GALNT14: variants seen among roughly 807,000 people sequenced by gnomAD.
GALNT14 encodes the protein polypeptide N-acetylgalactosaminyltransferase 14.
Under a neutral mutation model 77.5 loss-of-function variants are expected in GALNT14, and 60 were observed. That is an observed-to-expected ratio of 0.77 (90% CI 0.63 to 0.96). The LOEUF is 0.96. Among genes scored for constraint, GALNT14 ranks in the 40% least tolerant of loss-of-function variants. GALNT14 has a pLI of 0.00. For synonymous variants in GALNT14, 280 were observed against 281.7 expected (o/e 0.99, Z 0.06); for missense variants, 710 against 731.0 (o/e 0.97, Z 0.33).
chr2:30,947,860 C>T (rs981274457), intron 6 of GALNT14, among the ~76,000 whole-genome samples: 1 of 152,206 alleles, frequency 6.6e-6, no homozygotes, highest in Admixed American at 6.5e-5. Context: ...CTGACAGTAA[C>T]AAGGTGCCTC....
At chr2:30,907,082 C>T (rs1338805109), downstream of GALNT14, among the ~76,000 whole-genome samples, 3 of 152,146 alleles carry the variant, frequency 2.0e-5, no homozygotes, top group Non-Finnish European at 4.4e-5. Flanking sequence ...AAATTTATAG[C>T]ACTAAATGCC....
At chr2:31,116,087 T>G (rs1409118104) in intron 1 of GALNT14, among the ~76,000 whole-genome samples, 3 of 152,124 alleles carry the variant, frequency 2.0e-5, no homozygotes, top group Non-Finnish European at 2.9e-5. Context: ...AGGAGGGGCA[T>G]GTAAAATCAT....
At chr2:30,914,166 C>T (rs1310726072) in intron 13 of GALNT14, among the ~76,000 whole-genome samples, 2 of 152,162 alleles carry the variant, frequency 1.3e-5, no homozygotes, top group Non-Finnish European at 2.9e-5. Flanking sequence ...TCATAAGAAT[C>T]CTATTAAGTA....
chr2:30,958,626 A>C (rs1460701685), intron 3 of GALNT14, among the ~76,000 whole-genome samples, 162 bp from the exon 4 acceptor site: 1 of 152,124 alleles, frequency 6.6e-6, no homozygotes, highest in Non-Finnish European at 1.5e-5. Flanking sequence ...GGAGGAATGT[A>C]ATTCTGCCTT....
intron 2 of GALNT14, among the ~76,000 whole-genome samples, chr2:30,984,385 C>T (rs1573091982): frequency 6.6e-6 from 1 of 152,218 alleles, no homozygotes; most frequent in Non-Finnish European, 1.5e-5. Flanking sequence ...TGGCTTTCTT[C>T]CTACTGGCCA....
At chr2:30,899,839 CG>C in the GALNT14 span, among the ~76,000 whole-genome samples, 1 of 152,180 alleles carries the variant, frequency 6.6e-6, no homozygotes, top group Non-Finnish European at 1.5e-5. Context: ...CGAGGGAGCT[CG>C]GGCGGTTAGC....
At chr2:30,914,757 C>T (rs1157269675) in intron 13 of GALNT14, among the ~76,000 whole-genome samples, 3 of 152,212 alleles carry the variant, frequency 2.0e-5, no homozygotes, top group Admixed American at 6.5e-5. Context: ...AGTCCACCCT[C>T]GGAGGACAAA....
At chr2:30,924,685 C>A in intron 12 of GALNT14, 55 bp downstream of exon 12, 1 of 1,476,346 alleles carries the variant, frequency 6.8e-7, no homozygotes. Flanking sequence ...CAGACCAAGC[C>A]AGCTGAGGGC....
At chr2:31,031,071 C>T (rs573165973) in intron 1 of GALNT14, among the ~76,000 whole-genome samples, 4 of 152,270 alleles carry the variant, frequency 2.6e-5, no homozygotes, top group Middle Eastern at 3.4e-3. Context: ...ATATGAGAAT[C>T]GGGTTTCCTG....
chr2:31,089,086 G>A (rs1444048489), intron 1 of GALNT14, among the ~76,000 whole-genome samples: 1 of 152,182 alleles, frequency 6.6e-6, no homozygotes, highest in Non-Finnish European at 1.5e-5. Flanking sequence ...CCTGCTGTTT[G>A]CCTTTCCTTA....
intron 2 of GALNT14, among the ~76,000 whole-genome samples, chr2:30,979,448 C>T (rs916082676): frequency 9.9e-5 from 15 of 151,974 alleles, no homozygotes; most frequent in Non-Finnish European, 1.5e-4. Flanking sequence ...CATGATGCCA[C>T]CTTATGAGGA....
intron 1 of GALNT14, among the ~76,000 whole-genome samples, chr2:31,086,093 C>T (rs1045659711): frequency 6.6e-6 from 1 of 152,220 alleles, no homozygotes; most frequent in Admixed American, 6.5e-5. Flanking sequence ...ATGGGAGCTA[C>T]AATTTAAGAT....
At chr2:30,938,287 C>T (rs1666172601) in intron 9 of GALNT14, among the ~76,000 whole-genome samples, 1 of 146,994 alleles carries the variant, frequency 6.8e-6, no homozygotes, top group South Asian at 2.1e-4. Context: ...CGCTTACATA[C>T]CTACACACAC....
At chr2:31,088,042 C>T (rs1006491526) in intron 1 of GALNT14, among the ~76,000 whole-genome samples, 1 of 152,208 alleles carries the variant, frequency 6.6e-6, no homozygotes, top group African/African-American at 2.4e-5. Context: ...TGATCTAGGA[C>T]TTCCCAGCCT....
At chr2:30,964,969 T>C (rs550061015) in intron 3 of GALNT14, among the ~76,000 whole-genome samples, 1 of 152,044 alleles carries the variant, frequency 6.6e-6, no homozygotes, top group Non-Finnish European at 1.5e-5. Flanking sequence ...CTCTGACCCA[T>C]GTTTCATCAT....
intron 11 of GALNT14, 106 bp from the exon 12 acceptor site, chr2:30,924,929 C>A (rs1423181862): frequency 2.5e-6 from 2 of 795,894 alleles, no homozygotes; most frequent in Non-Finnish European, 4.2e-6. Flanking sequence ...CGACCCATGC[C>A]CATGCTCTGT....
chr2:31,069,849 C>T (rs4630806), intron 1 of GALNT14, among the ~76,000 whole-genome samples: 79,062 of 152,000 alleles, frequency 0.52, 21,015 homozygotes, highest in African/African-American at 0.61. Flanking sequence ...GCTCAGTTCA[C>T]GTTACTGCTG....
chr2:31,123,765 A>C (rs1006440994), intron 1 of GALNT14, among the ~76,000 whole-genome samples: 2 of 152,194 alleles, frequency 1.3e-5, no homozygotes, highest in African/African-American at 4.8e-5. Flanking sequence ...AACGCCTGGT[A>C]AATTTAAAAG....
the GALNT14 span, among the ~76,000 whole-genome samples, chr2:30,888,905 G>A: frequency 7.0e-4 from 106 of 152,060 alleles, 2 homozygotes; most frequent in East Asian, 0.017. Context: ...GAGTTGTATT[G>A]TCCCCCCCTC....
Sources: allele counts gnomAD v4.1 joint callset (sites outside exome capture counted in the v4.1 genomes callset), GRCh38; gene constraint gnomAD v4.1.1; transcripts MANE v1.5; gene names NCBI Gene and HGNC (gene_info 2026-07-23, HGNC 2026-07-21).